Variants in ARB2A observed in about 807,000 individuals in gnomAD.
ARB2A encodes ARB2 cotranscriptional regulator A.
At chr5:93,909,871 C>A in the ARB2A span, among the ~76,000 whole-genome samples, 1 of 150,452 alleles carries the variant, frequency 6.6e-6, no homozygotes, top group Non-Finnish European at 1.5e-5. Flanking sequence ...AAAATTTTTG[C>A]AGAGAAAGAT....
chr5:94,106,805 A>T, the ARB2A span, among the ~76,000 whole-genome samples: 3 of 151,638 alleles, frequency 2.0e-5, no homozygotes, highest in African/African-American at 7.3e-5. Context: ...CATAAAAAAG[A>T]ATAAAATCAT....
the ARB2A span, among the ~76,000 whole-genome samples, chr5:94,014,766 AGGG>A: frequency 3.3e-5 from 5 of 151,770 alleles, no homozygotes; most frequent in Non-Finnish European, 5.9e-5. Flanking sequence ...AAAACTCATT[AGGG>A]GCTATCAACA....
At chr5:93,797,535 C>G in the ARB2A span, among the ~76,000 whole-genome samples, 1 of 152,026 alleles carries the variant, frequency 6.6e-6, no homozygotes, top group Non-Finnish European at 1.5e-5. Flanking sequence ...ATATGAAATT[C>G]TATAAAATGG....
At chr5:94,055,416 T>C in the ARB2A span, among the ~76,000 whole-genome samples, 1 of 152,280 alleles carries the variant, frequency 6.6e-6, no homozygotes, top group African/African-American at 2.4e-5. Flanking sequence ...AAAAAGTATT[T>C]TGTCTACCTT....
chr5:94,107,404 C>G, the ARB2A span, among the ~76,000 whole-genome samples: 2 of 151,578 alleles, frequency 1.3e-5, no homozygotes, highest in African/African-American at 2.4e-5. Context: ...AATTGTCATA[C>G]AATTTTTCAT....
the ARB2A span, among the ~76,000 whole-genome samples, chr5:93,711,727 G>A: frequency 6.6e-6 from 1 of 152,250 alleles, no homozygotes; most frequent in Non-Finnish European, 1.5e-5. Context: ...GAGCAGCTCG[G>A]TAGCACAGCA....
the ARB2A span, among the ~76,000 whole-genome samples, chr5:93,751,958 CCA>C: frequency 3.1e-3 from 469 of 152,194 alleles, 1 homozygote; most frequent in Non-Finnish European, 4.4e-3. Flanking sequence ...CCCAGGCACA[CCA>C]CAGTCAGGCA....
At chr5:93,930,971 A>G in the ARB2A span, among the ~76,000 whole-genome samples, 1 of 152,096 alleles carries the variant, frequency 6.6e-6, no homozygotes, top group South Asian at 2.1e-4. Flanking sequence ...ATTTGTCCCA[A>G]TGCTCTCCCT....
At chr5:93,722,727 C>G in the ARB2A span, among the ~76,000 whole-genome samples, 2 of 152,076 alleles carry the variant, frequency 1.3e-5, no homozygotes, top group African/African-American at 4.8e-5. Context: ...CTCATGGAAG[C>G]GAGAGGTTAT....
chr5:93,771,475 A>T, the ARB2A span, among the ~76,000 whole-genome samples: 3 of 151,376 alleles, frequency 2.0e-5, no homozygotes, highest in African/African-American at 7.3e-5. Flanking sequence ...TAAACTAAAG[A>T]GCTTCTGCAC....
the ARB2A span, chr5:93,740,800 C>T: frequency 6.2e-7 from 1 of 1,612,952 alleles, no homozygotes; most frequent in Non-Finnish European, 8.5e-7. Context: ...GAACCAAACT[C>T]GAACCACATC....
At chr5:93,886,525 T>A in the ARB2A span, among the ~76,000 whole-genome samples, 1 of 151,740 alleles carries the variant, frequency 6.6e-6, no homozygotes, top group Non-Finnish European at 1.5e-5. Context: ...TGTCCATTCA[T>A]CTTTTCTGAA....
the ARB2A span, among the ~76,000 whole-genome samples, chr5:93,854,546 T>G: frequency 1.1e-4 from 17 of 152,324 alleles, no homozygotes; most frequent in African/African-American, 4.1e-4. Flanking sequence ...AATTGTGATG[T>G]TAGGGTGTCA....
At chr5:94,078,294 A>T in the ARB2A span, among the ~76,000 whole-genome samples, 1 of 152,202 alleles carries the variant, frequency 6.6e-6, no homozygotes, top group Admixed American at 6.5e-5. Context: ...TAAAGATTCT[A>T]TGCTCACTAA....
chr5:93,661,946 G>C, the ARB2A span, among the ~76,000 whole-genome samples: 2 of 152,066 alleles, frequency 1.3e-5, no homozygotes, highest in Admixed American at 6.6e-5. Context: ...CTGGTCAGCA[G>C]GTAAGTAAAA....
the ARB2A span, among the ~76,000 whole-genome samples, chr5:93,747,238 T>C: frequency 7.2e-5 from 11 of 152,164 alleles, no homozygotes; most frequent in Non-Finnish European, 1.5e-5. Flanking sequence ...CAGATAACTC[T>C]TTTAAGTGTT....
the ARB2A span, among the ~76,000 whole-genome samples, chr5:94,097,492 A>G: frequency 2.6e-5 from 4 of 152,112 alleles, no homozygotes; most frequent in East Asian, 7.7e-4. Flanking sequence ...TGTCTTTCCC[A>G]TGTTGTTCTC....
chr5:93,892,589 G>C, the ARB2A span, among the ~76,000 whole-genome samples: 11 of 151,884 alleles, frequency 7.2e-5, no homozygotes, highest in Admixed American at 3.3e-4. Context: ...TACCTCTGGG[G>C]GGGGGAAAAC....
chr5:93,741,840 C>T, the ARB2A span, among the ~76,000 whole-genome samples: 1 of 152,118 alleles, frequency 6.6e-6, no homozygotes, highest in African/African-American at 2.4e-5. Flanking sequence ...TCTGGAGTCC[C>T]TTACTCACTG....
Sources: allele counts gnomAD v4.1 joint callset (sites outside exome capture counted in the v4.1 genomes callset), GRCh38; gene constraint gnomAD v4.1.1; transcripts MANE v1.5; gene names NCBI Gene and HGNC (gene_info 2026-07-23, HGNC 2026-07-21).